The following CDK8 variants were observed in gnomAD, a reference collection of about 807,000 sequenced individuals.
CDK8 encodes the protein cyclin dependent kinase 8.
In CDK8, 29 loss-of-function variants were observed where a neutral mutation model predicts 71.5. The observed-to-expected ratio is 0.41, with a 90% CI of 0.30 to 0.55. The LOEUF (loss-of-function observed/expected upper bound fraction) is 0.55. CDK8 is among the 20% of genes least tolerant of loss of function. The probability of loss-of-function intolerance (pLI) is 0.37; values close to 1 mark genes in which losing one functional copy is unlikely to be tolerated. For missense variants in CDK8, 288 were observed against 572.6 expected (o/e 0.50, Z 5.07); for synonymous variants, 161 against 192.1 (o/e 0.84, Z 1.34).
chr13:26,340,719 A>T (rs1488311987), intron 2 of CDK8, among the ~76,000 whole-genome samples: 1 of 152,100 alleles, frequency 6.6e-6, no homozygotes, highest in Non-Finnish European at 1.5e-5. Flanking sequence ...TACAAATGTA[A>T]TTACGAGGGG....
intron 1 of CDK8, among the ~76,000 whole-genome samples, chr13:26,286,980 T>C (rs1873053320): frequency 1.3e-5 from 2 of 152,184 alleles, no homozygotes; most frequent in African/African-American, 4.8e-5. Context: ...AGAATGGCCG[T>C]AATTTAAAAA....
chr13:26,262,104 T>G (rs747341526), intron 1 of CDK8, among the ~76,000 whole-genome samples: 1 of 152,248 alleles, frequency 6.6e-6, no homozygotes, highest in African/African-American at 2.4e-5. Context: ...AATGCTTTTT[T>G]CTCAGTTGAA....
intron 1 of CDK8, among the ~76,000 whole-genome samples, chr13:26,313,660 G>A (rs750673000): frequency 3.9e-5 from 6 of 152,190 alleles, no homozygotes; most frequent in Non-Finnish European, 5.9e-5. Flanking sequence ...TATGTTAATA[G>A]TATCACTTTT....
intron 1 of CDK8, among the ~76,000 whole-genome samples, chr13:26,288,219 CCTA>C (rs1873117043): frequency 6.6e-6 from 1 of 152,192 alleles, no homozygotes; most frequent in Admixed American, 6.5e-5. Flanking sequence ...GCCTCGACCT[CCTA>C]AAGTGCTGGG....
In CDK8 at chr13:26,374,524, A is replaced by G. The variant is rs140013974; in HGVS notation, c.457-8290A>G. 7.0e-3 allele frequency among the ~76,000 whole-genome samples: 1,071 copies of G among 152,254 alleles called. 6 individuals carry two copies. The highest frequency in any genetic ancestry group is 9.3e-3 in the Non-Finnish European group (630 of 67,986). ...ATAAAAGCTCTATAAAAACACTCTT[A>G]TAGTATATGAAATGTAAATACAAGA... On this transcript the variant is annotated intron_variant, in intron 4 of 12. Coordinates refer to ENST00000381527, the MANE Select transcript of CDK8 (RefSeq NM_001260.3).
At chr13:26,312,908 T>C (rs1383158895) in intron 1 of CDK8, among the ~76,000 whole-genome samples, 1 of 152,236 alleles carries the variant, frequency 6.6e-6, no homozygotes, top group East Asian at 1.9e-4. Context: ...ATGTCACTCA[T>C]GTACAGTGGA....
At chr13:26,392,371 A>G (rs1593309635) in intron 6 of CDK8, among the ~76,000 whole-genome samples, 2 of 122,556 alleles carry the variant, frequency 1.6e-5, no homozygotes, top group Admixed American at 2.3e-4. Context: ...TCTGTCGCCC[A>G]GGCAAGAGTG....
intron 1 of CDK8, among the ~76,000 whole-genome samples, chr13:26,274,581 G>A (rs1314820161): frequency 4.6e-5 from 7 of 151,588 alleles, no homozygotes; most frequent in African/African-American, 7.3e-5. Flanking sequence ...ACAGGCGCCC[G>A]CCACCACGCC....
chr13:26,327,711 C>T (rs143495086), intron 1 of CDK8, among the ~76,000 whole-genome samples: 27 of 152,192 alleles, frequency 1.8e-4, no homozygotes, highest in Non-Finnish European at 3.8e-4. Flanking sequence ...TGCTTGTAAT[C>T]CCAGCTACTC....
intron 1 of CDK8, among the ~76,000 whole-genome samples, chr13:26,295,822 T>A (rs1873531008): frequency 6.6e-6 from 1 of 152,188 alleles, no homozygotes; most frequent in African/African-American, 2.4e-5. Context: ...CAGTTATTTA[T>A]GACTGTATGA....
At chr13:26,304,626 T>C (rs1393448493) in intron 1 of CDK8, among the ~76,000 whole-genome samples, 1 of 151,920 alleles carries the variant, frequency 6.6e-6, no homozygotes, top group East Asian at 1.9e-4. Context: ...ATGACAATTA[T>C]GTTTTATTTT....
intron 1 of CDK8, among the ~76,000 whole-genome samples, chr13:26,311,461 TA>T (rs1197820919): frequency 6.6e-6 from 1 of 152,234 alleles, no homozygotes. Flanking sequence ...AAGGAGATTC[TA>T]ATATCTCACA....
At chr13:26,284,781 C>T (rs1488388874) in intron 1 of CDK8, among the ~76,000 whole-genome samples, 1 of 151,978 alleles carries the variant, frequency 6.6e-6, no homozygotes, top group East Asian at 1.9e-4. Flanking sequence ...AAGCCAGTAT[C>T]ACCCTAATAC....
intron 4 of CDK8, among the ~76,000 whole-genome samples, chr13:26,381,147 C>T (rs531998456): frequency 2.6e-5 from 4 of 152,256 alleles, no homozygotes; most frequent in African/African-American, 9.6e-5. Flanking sequence ...CTCTGAAGAA[C>T]CATGAGAGGA....
intron 2 of CDK8, among the ~76,000 whole-genome samples, chr13:26,345,062 C>T (rs934455620): frequency 1.3e-5 from 2 of 152,112 alleles, no homozygotes; most frequent in African/African-American, 2.4e-5. Flanking sequence ...GAGTAATGCA[C>T]GTTGTGCTAC....
chr13:26,301,307 A>G (rs1283223794), intron 1 of CDK8, among the ~76,000 whole-genome samples: 1 of 151,360 alleles, frequency 6.6e-6, no homozygotes, highest in Non-Finnish European at 1.5e-5. Flanking sequence ...CCAGTAATCA[A>G]TGTCCAAATT....
chr13:26,282,091 A>C (rs944542378), intron 1 of CDK8, among the ~76,000 whole-genome samples: 1 of 152,030 alleles, frequency 6.6e-6, no homozygotes, highest in African/African-American at 2.4e-5. Flanking sequence ...AAACCTAACT[A>C]TAATTGGTGG....
At position 26,337,823 on chromosome 13, in the gene CDK8, A is replaced by T. The variant is rs973183351; in HGVS notation, c.204+181A>T. Among the ~76,000 whole-genome samples the T allele has an allele frequency of 2.0e-5, 3 of 152,128 alleles. No individual in the cohort carries two copies. In the South Asian group the frequency reaches 6.2e-4, roughly 31 times the overall value. On this transcript the variant is annotated intron_variant, in intron 2 of 12. Coordinates refer to ENST00000381527, the MANE Select transcript of CDK8 (RefSeq NM_001260.3). ...AGGGGTCATGTAGTTCTGTCTATAT[A>T]AACTCTTTATTTGGGGTAAAGTAAA... is the stretch of plus-strand genomic sequence containing the variant.
intron 7 of CDK8, among the ~76,000 whole-genome samples, chr13:26,394,585 G>A (rs1281675781): frequency 6.6e-6 from 1 of 152,228 alleles, no homozygotes; most frequent in Non-Finnish European, 1.5e-5. Context: ...AGTAGAGACA[G>A]AAGAATTCTG....
Sources: allele counts gnomAD v4.1 joint callset (sites outside exome capture counted in the v4.1 genomes callset), GRCh38; gene constraint gnomAD v4.1.1; transcripts MANE v1.5; gene names NCBI Gene and HGNC (gene_info 2026-07-23, HGNC 2026-07-21).